Variants in NECAP2 observed in about 807,000 individuals in gnomAD.
NECAP2 encodes the protein NECAP endocytosis associated 2.
In NECAP2, 38 loss-of-function variants were observed where a neutral mutation model predicts 37.8. That is an observed-to-expected ratio of 1.01 (90% CI 0.78 to 1.32). NECAP2 has a LOEUF of 1.32. NECAP2 is among the 40% of genes most tolerant of loss of function. NECAP2 has a pLI of 0.00. For synonymous variants in NECAP2, 121 were observed against 127.7 expected (o/e 0.95, Z 0.35); for missense variants, 316 against 334.5 (o/e 0.94, Z 0.43).
chr1:16,459,038 G>C lies in NECAP2; in HGVS notation c.*148G>C, dbSNP rs565780832. The C allele has an allele frequency of 2.0e-6, 3 of 1,528,514 alleles. No homozygotes were observed. Among genetic ancestry groups the C allele is most frequent in the East Asian group, 2.4e-5 (1 of 40,904 alleles). The allele number at this position is 1,528,514 out of a possible 1,614,324, so 94.7% of individuals were successfully genotyped here. On this transcript the variant is annotated 3_prime_UTR_variant, in exon 8 of 8. Coordinates refer to ENST00000337132, the MANE Select transcript of NECAP2 (RefSeq NM_018090.5). Reference sequence around the variant, plus strand: ...TTGTCTGGCTCTGTTGACAAACCGGGCATGTTTGGCAGTAAATTGGCACCG... The same window carrying C: ...TTGTCTGGCTCTGTTGACAAACCGGCCATGTTTGGCAGTAAATTGGCACCG...
chr1:16,456,013 T>A, intron 7 of NECAP2, 120 bp downstream of exon 7: 1 of 692,940 alleles, frequency 1.4e-6, no homozygotes, highest in South Asian at 2.0e-5. Flanking sequence ...TTAATTTGGA[T>A]GTTTTCTTTT....
intron 7 of NECAP2, among the ~76,000 whole-genome samples, chr1:16,457,558 T>C (rs1323158719): frequency 1.3e-5 from 2 of 152,200 alleles, no homozygotes; most frequent in African/African-American, 4.8e-5. Context: ...GACTGCAGCG[T>C]TGACCCTGAG....
chr1:16,444,554 G>A (rs2086733790), intron 2 of NECAP2, among the ~76,000 whole-genome samples: 1 of 152,190 alleles, frequency 6.6e-6, no homozygotes, highest in Admixed American at 6.5e-5. Flanking sequence ...TGTTGAAATG[G>A]GGATCATATT....
At chr1:16,449,316 A>G in intron 5 of NECAP2, 115 bp downstream of exon 5, 1 of 689,538 alleles carries the variant, frequency 1.5e-6, no homozygotes, top group East Asian at 2.7e-5. Context: ...TTTAGTGAGC[A>G]TCTGCCTTGT....
At position 16,458,963 on chromosome 1, in the gene NECAP2, A is replaced by G; in HGVS notation, c.*73A>G. ...ATCTGGGCCAAAGGAAGGAGGACGAAGCCCTCCTCAGCTGGCCTGTGTTTG... is the reference window on the plus strand; with the variant it reads ...ATCTGGGCCAAAGGAAGGAGGACGAGGCCCTCCTCAGCTGGCCTGTGTTTG... On this transcript the variant is annotated 3_prime_UTR_variant, in exon 8 of 8. Coordinates refer to ENST00000337132, the MANE Select transcript of NECAP2 (RefSeq NM_018090.5). 1.2e-6 allele frequency: 2 copies of G among 1,612,466 alleles called. No homozygotes were observed. Among genetic ancestry groups the G allele is most frequent in the Non-Finnish European group, 1.7e-6 (2 of 1,179,304 alleles).
At chr1:16,442,869 C>T (rs759124055) in intron 1 of NECAP2, among the ~76,000 whole-genome samples, 53 of 152,230 alleles carry the variant, frequency 3.5e-4, no homozygotes, top group Non-Finnish European at 5.7e-4. Context: ...CTTCAGTGAG[C>T]CGTAGTTGCG....
rs529142421 is a variant in NECAP2 at position 16,450,258 on chromosome 1, GTTTTGTTTTGTT to G, written c.489+1072_489+1083del. ...GAGGGCCAGGTAGTGGTTTTTTTTT[GTTTTGTTTTGTT>G]TTTTGTTTTGTTTTGTTGTTTTTTT... On this transcript the variant is annotated intron_variant, in intron 5 of 7. Transcript: ENST00000337132. 5.6e-3 allele frequency: 1,942 copies of G among 346,472 alleles called. 32 individuals carry two copies. Among genetic ancestry groups the G allele is most frequent in the East Asian group, 0.037 (406 of 11,058 alleles). The allele number at this position is 346,472 out of a possible 1,614,324, so 21.5% of individuals were successfully genotyped here. A position where few individuals can be genotyped will look rare whatever the true frequency, so the allele number is the denominator to read the frequency against.
chr1:16,457,911 A>G (rs748761008), intron 7 of NECAP2, among the ~76,000 whole-genome samples: 2 of 151,684 alleles, frequency 1.3e-5, no homozygotes, highest in Admixed American at 6.6e-5. Flanking sequence ...GGGTTTTGCT[A>G]TGTTGCCCAG....
rs572568108 is a variant in NECAP2 at position 16,448,467 on chromosome 1, T to C, written c.380+326T>C. The C allele has an allele frequency of 1.2e-4, 43 of 347,528 alleles. 1 individual carries two copies. The highest frequency in any genetic ancestry group is 2.0e-4 in the Non-Finnish European group (38 of 185,882). 21.5% of individuals were successfully genotyped at this position (347,528 alleles called of 1,614,324 possible). ...CTCCATGTAATCAATGGCGCTTGGA[T>C]TCCCAGGGCACCCAGCAGATGCCCT... is the stretch of plus-strand genomic sequence containing the variant. On this transcript the variant is annotated intron_variant, in intron 4 of 7. Transcript: ENST00000337132.
intron 7 of NECAP2, among the ~76,000 whole-genome samples, chr1:16,457,170 C>T (rs565924757): frequency 6.6e-6 from 1 of 152,204 alleles, no homozygotes; most frequent in South Asian, 2.1e-4. Flanking sequence ...AAAATAGAGG[C>T]ATGGGCTGGG....
At chr1:16,443,899 A>G (rs1468535999) in intron 2 of NECAP2, among the ~76,000 whole-genome samples, 167 bp downstream of exon 2, 4 of 152,174 alleles carry the variant, frequency 2.6e-5, no homozygotes, top group Non-Finnish European at 5.9e-5. Flanking sequence ...TTAGTTGTAG[A>G]AAGTACCGTC....
At chr1:16,452,767 GC>G (rs547738302) in intron 6 of NECAP2, among the ~76,000 whole-genome samples, 9 of 150,264 alleles carry the variant, frequency 6.0e-5, no homozygotes, top group Admixed American at 1.3e-4. Flanking sequence ...CTCCCCGCGC[GC>G]CCCCCCCGCC....
rs1304738637 is a variant in NECAP2, at chr1:16,455,907, T to C, written c.743+14T>C. On this transcript the variant is annotated intron_variant, in intron 7 of 7. Coordinates refer to ENST00000337132, the MANE Select transcript of NECAP2 (RefSeq NM_018090.5). ...CAAATCTACAGGGTAAGGAGGGCCA[T>C]GTTCTGCGGAGGGGCTGGGGCCAGG... 1 of 1,610,214 alleles carries C rather than the reference T, an allele frequency of 6.2e-7. No homozygotes were observed. The highest frequency in any genetic ancestry group is 8.5e-7 in the Non-Finnish European group (1 of 1,176,472).
intron 7 of NECAP2, among the ~76,000 whole-genome samples, chr1:16,457,638 A>C (rs1238647111): frequency 2.0e-5 from 3 of 152,126 alleles, no homozygotes; most frequent in Admixed American, 6.6e-5. Context: ...GCTTTGGAAC[A>C]AAAGACATTC....
intron 6 of NECAP2, chr1:16,455,515 A>G (rs2086903927): frequency 2.8e-6 from 1 of 353,820 alleles, no homozygotes; most frequent in Non-Finnish European, 5.2e-6. Context: ...AGTCAGCTTC[A>G]GGTATGCATG....
In NECAP2 at chr1:16,442,283, T is replaced by C. The variant is rs187319608; in HGVS notation, c.93-1349T>C. On this transcript the variant is annotated intron_variant, in intron 1 of 7. Coordinates refer to ENST00000337132, the MANE Select transcript of NECAP2 (RefSeq NM_018090.5). Reference sequence around the variant, plus strand: ...AGGATCCACCGCGCCCGGCCCCCTATTGGGTCTTTAGTAGGATGGATTTGG... The same window carrying C: ...AGGATCCACCGCGCCCGGCCCCCTACTGGGTCTTTAGTAGGATGGATTTGG... Among the ~76,000 whole-genome samples, 109 of 152,216 alleles carry C rather than the reference T, an allele frequency of 7.2e-4. 2 individuals carry two copies. The highest frequency in any genetic ancestry group is 3.9e-3 in the East Asian group (20 of 5,166).
intron 2 of NECAP2, among the ~76,000 whole-genome samples, chr1:16,444,709 C>T (rs950816570): frequency 6.6e-6 from 1 of 152,186 alleles, no homozygotes; most frequent in African/African-American, 2.4e-5. Context: ...GAGGCAGCTG[C>T]CATGGCCAGA....
In NECAP2 at chr1:16,447,829, G is replaced by GGGGCTCA. The variant is rs750770897; in HGVS notation, c.194-32_194-26dup. On this transcript the variant is annotated intron_variant, in intron 2 of 7. Coordinates refer to ENST00000337132, the MANE Select transcript of NECAP2 (RefSeq NM_018090.5). ...TGTGGTAGAAAACCTTGGCTGGAAG[G>GGGGCTCA]GGGCTCAGGGCTCAGCGCTCAGCCT... is the stretch of plus-strand genomic sequence containing the variant. The GGGGCTCA allele has an allele frequency of 5.2e-6, 8 of 1,550,258 alleles. No homozygotes were observed. In the East Asian group the frequency reaches 1.3e-4, roughly 26 times the overall value.
intron 2 of NECAP2, among the ~76,000 whole-genome samples, chr1:16,446,447 T>G (rs1329831100): frequency 6.6e-6 from 1 of 152,114 alleles, no homozygotes; most frequent in Non-Finnish European, 1.5e-5. Context: ...TATTCCCAGC[T>G]ACGTGAGAGG....
Sources: gnomAD v4.1 joint callset for allele counts (sites outside exome capture counted in the v4.1 genomes callset) on GRCh38, gnomAD v4.1.1 for gene constraint, MANE v1.5 for transcripts, NCBI Gene and HGNC (gene_info 2026-07-23, HGNC 2026-07-21) for gene names.